Variants in PDLIM5 observed in about 807,000 individuals in gnomAD.
The protein encoded by PDLIM5 is PDZ and LIM domain 5.
PDLIM5 carries 34 observed loss-of-function variants against 64.2 expected under a neutral mutation model. That is an observed-to-expected ratio of 0.53 (90% CI 0.40 to 0.71). The LOEUF (loss-of-function observed/expected upper bound fraction) is 0.71. PDLIM5 is among the 30% of genes least tolerant of loss of function. PDLIM5 has a pLI of 0.00. For missense variants in PDLIM5, 683 were observed against 733.6 expected (o/e 0.93, Z 0.80); for synonymous variants, 253 against 269.1 (o/e 0.94, Z 0.59).
At chr4:94,659,471 G>A (rs1742476270) in intron 11 of PDLIM5, among the ~76,000 whole-genome samples, 5 of 150,310 alleles carry the variant, frequency 3.3e-5, no homozygotes, top group African/African-American at 4.9e-5. Context: ...CAGGCATAGA[G>A]CAGCTGTAGT....
At chr4:94,634,543 G>A (rs1740404876) in intron 8 of PDLIM5, among the ~76,000 whole-genome samples, 1 of 152,188 alleles carries the variant, frequency 6.6e-6, no homozygotes, top group Non-Finnish European at 1.5e-5. Context: ...TTGACAGGAT[G>A]TAGTATTTTT....
chr4:94,562,314 C>G (rs1733918617), intron 3 of PDLIM5, among the ~76,000 whole-genome samples: 1 of 151,914 alleles, frequency 6.6e-6, no homozygotes. Flanking sequence ...TTTTGTTTTG[C>G]AAATAAAAAT....
chr4:94,542,332 A>AAATAAATAAATAAAGT (rs1553953459), intron 3 of PDLIM5, among the ~76,000 whole-genome samples: 1 of 150,186 alleles, frequency 6.7e-6, no homozygotes, highest in African/African-American at 2.4e-5. Context: ...ATAAATAAAT[A>AAATAAATAAATAAAGT]AAGTAAGTAA....
intron 9 of PDLIM5, among the ~76,000 whole-genome samples, chr4:94,647,984 A>G (rs536610385): frequency 1.6e-4 from 24 of 152,350 alleles, no homozygotes; most frequent in Non-Finnish European, 2.6e-4. Context: ...AAAATGTAAT[A>G]TACCAAAACT....
intron 7 of PDLIM5, among the ~76,000 whole-genome samples, chr4:94,607,826 A>G (rs1738051484): frequency 6.6e-6 from 1 of 152,116 alleles, no homozygotes; most frequent in African/African-American, 2.4e-5. Flanking sequence ...GTAATATTTT[A>G]TTACATAGAA....
chr4:94,569,332 C>CATTT (rs112221410), intron 3 of PDLIM5, among the ~76,000 whole-genome samples: 12 of 151,532 alleles, frequency 7.9e-5, no homozygotes, highest in African/African-American at 2.7e-4. Flanking sequence ...TTTGTTTGTT[C>CATTT]GTTTGTTTGT....
At chr4:94,505,288 T>A (rs2110091434) in intron 2 of PDLIM5, among the ~76,000 whole-genome samples, 1 of 152,156 alleles carries the variant, frequency 6.6e-6, no homozygotes, top group Non-Finnish European at 1.5e-5. Context: ...GGAAACAGCC[T>A]TGCTCCATCA....
At chr4:94,627,013 C>A (rs1739751623) in intron 8 of PDLIM5, among the ~76,000 whole-genome samples, 1 of 152,030 alleles carries the variant, frequency 6.6e-6, no homozygotes, top group Non-Finnish European at 1.5e-5. Flanking sequence ...ACTAAATTTG[C>A]CTAGCTAAGA....
intron 2 of PDLIM5, among the ~76,000 whole-genome samples, chr4:94,520,099 T>C (rs556447085): frequency 2.0e-5 from 3 of 152,154 alleles, no homozygotes; most frequent in South Asian, 4.1e-4. Flanking sequence ...TCAGCATCAG[T>C]GAACAGACCT....
chr4:94,659,954 T>G (rs1742547549), intron 11 of PDLIM5, among the ~76,000 whole-genome samples: 2 of 150,782 alleles, frequency 1.3e-5, no homozygotes, highest in Middle Eastern at 3.4e-3. Flanking sequence ...TGCAGTGCAG[T>G]GGCCCGATCT....
At chr4:94,609,314 T>C (rs1443113973) in intron 7 of PDLIM5, among the ~76,000 whole-genome samples, 1 of 152,174 alleles carries the variant, frequency 6.6e-6, no homozygotes. Context: ...TTATACACTC[T>C]TTTTATTTTA....
At chr4:94,510,591 C>T (rs1728781624) in intron 2 of PDLIM5, among the ~76,000 whole-genome samples, 3 of 152,096 alleles carry the variant, frequency 2.0e-5, no homozygotes, top group Admixed American at 6.5e-5. Context: ...TCTGATAGTC[C>T]TAATTTTGTT....
At chr4:94,608,217 T>A in intron 7 of PDLIM5, 2 of 1,426,410 alleles carry the variant, frequency 1.4e-6, no homozygotes, top group South Asian at 2.5e-5. Context: ...ATTTCAAAGC[T>A]GGTAGTGAAT....
intron 2 of PDLIM5, among the ~76,000 whole-genome samples, chr4:94,523,371 C>T (rs1053759163): frequency 6.6e-6 from 1 of 152,134 alleles, no homozygotes; most frequent in African/African-American, 2.4e-5. Flanking sequence ...ATTCAGATTG[C>T]ATTCTTTTTA....
chr4:94,535,910 G>A (rs1434994559), intron 3 of PDLIM5, among the ~76,000 whole-genome samples: 3 of 138,924 alleles, frequency 2.2e-5, no homozygotes, highest in Non-Finnish European at 4.6e-5. Flanking sequence ...GATAATAATT[G>A]TATTTTTAGT....
intron 3 of PDLIM5, among the ~76,000 whole-genome samples, chr4:94,533,156 T>G (rs17021743): frequency 0.03 from 4,528 of 152,304 alleles, 229 homozygotes; most frequent in African/African-American, 0.1. Flanking sequence ...CCTTAAAGAT[T>G]GTTGGAAATG....
At chr4:94,530,547 A>ATATATATATATATAT (rs1730778788) in intron 3 of PDLIM5, among the ~76,000 whole-genome samples, 2 of 131,084 alleles carry the variant, frequency 1.5e-5, no homozygotes, top group African/African-American at 5.8e-5. Flanking sequence ...ATATATATAT[A>ATATATATATATATAT]GTTTTTCTAC....
chr4:94,558,189 G>T (rs1733526418), intron 3 of PDLIM5, among the ~76,000 whole-genome samples: 1 of 152,176 alleles, frequency 6.6e-6, no homozygotes, highest in Non-Finnish European at 1.5e-5. Context: ...CTTTGGTTCT[G>T]TTTATATGCT....
intron 2 of PDLIM5, among the ~76,000 whole-genome samples, chr4:94,482,954 A>G (rs1441920319): frequency 6.6e-6 from 1 of 152,232 alleles, no homozygotes; most frequent in Non-Finnish European, 1.5e-5. Flanking sequence ...CAAAATGTTA[A>G]GATTAAAAAT....
Sources: gnomAD v4.1 joint callset for allele counts (sites outside exome capture counted in the v4.1 genomes callset) on GRCh38, gnomAD v4.1.1 for gene constraint, MANE v1.5 for transcripts, NCBI Gene and HGNC (gene_info 2026-07-23, HGNC 2026-07-21) for gene names.